NDUFAF6: variants seen among roughly 807,000 people sequenced by gnomAD.
NDUFAF6 encodes the protein NADH:ubiquinone oxidoreductase complex assembly factor 6, also known as NADH dehydrogenase (ubiquinone) complex I, assembly factor 6.
Under a neutral mutation model 40.8 loss-of-function variants are expected in NDUFAF6, and 45 were observed. The ratio of observed to expected loss-of-function variants is 1.10; its 90% confidence interval spans 0.87 to 1.42. The LOEUF (loss-of-function observed/expected upper bound fraction) is 1.42, where lower values mean the gene tolerates loss of function less well. Ranked by LOEUF, NDUFAF6 falls within the 40% of genes most tolerant of loss-of-function variation. The pLI is 0.00. For synonymous variants in NDUFAF6, 185 were observed against 155.9 expected (o/e 1.19, Z -1.39); for missense variants, 435 against 418.5 (o/e 1.04, Z -0.34).
downstream of NDUFAF6, among the ~76,000 whole-genome samples, chr8:95,106,238 G>A (rs1229526209): frequency 6.7e-6 from 1 of 149,366 alleles, no homozygotes; most frequent in African/African-American, 2.5e-5. Context: ...TCATCCCACT[G>A]CATTCCAGCC....
rs562285888 is a variant in NDUFAF6, at chr8:95,056,570, C to T, written c.874-1239C>T. Among the ~76,000 whole-genome samples the T allele has an allele frequency of 5.0e-4, 76 of 152,126 alleles. 1 individual carries two copies. In the South Asian group the frequency reaches 0.011, roughly 22 times the overall value. On this transcript the variant is annotated intron_variant, in intron 8 of 8. Transcript: ENST00000396124. ...AAACAAGGCAGCTGGGACATTGATG[C>T]ATGTGTCTCCTGTTGTCTGTATATG...
At chr8:94,980,448 T>C (rs1442963007) in intron 1 of NDUFAF6, among the ~76,000 whole-genome samples, 1 of 144,170 alleles carries the variant, frequency 6.9e-6, no homozygotes, top group African/African-American at 2.6e-5. Context: ...TTTTGTTTTT[T>C]TTTTTTTTTT....
At chr8:94,957,685 A>G (rs900351286), upstream of NDUFAF6, among the ~76,000 whole-genome samples, 1 of 152,212 alleles carries the variant, frequency 6.6e-6, no homozygotes, top group African/African-American at 2.4e-5. Flanking sequence ...TTGTAGTCTA[A>G]GAAGATGTGT....
At chr8:94,965,812 G>A (rs1440718185) in intron 1 of NDUFAF6, among the ~76,000 whole-genome samples, 8 of 152,228 alleles carry the variant, frequency 5.3e-5, no homozygotes, top group African/African-American at 1.9e-4. Flanking sequence ...GGAGACAGGT[G>A]ATGGGGTAGG....
At chr8:95,004,510 C>T (rs558186354) in intron 2 of NDUFAF6, among the ~76,000 whole-genome samples, 178 of 151,806 alleles carry the variant, frequency 1.2e-3, no homozygotes, top group African/African-American at 4.2e-3. Flanking sequence ...GATACCATGC[C>T]CAACTAATTT....
intron 1 of NDUFAF6, among the ~76,000 whole-genome samples, chr8:94,937,440 C>CAAAAA (rs1173351669): frequency 1.1e-5 from 1 of 93,710 alleles, no homozygotes; most frequent in African/African-American, 3.5e-5. Flanking sequence ...GACTCCATCT[C>CAAAAA]AAAAAAAAAA....
intron 1 of NDUFAF6, among the ~76,000 whole-genome samples, chr8:94,901,968 A>G (rs770341028): frequency 2.6e-5 from 4 of 152,258 alleles, no homozygotes; most frequent in African/African-American, 9.6e-5. Flanking sequence ...GTATTCCACT[A>G]TCAACATTTT....
chr8:94,905,070 C>T (rs1277667044), intron 1 of NDUFAF6, among the ~76,000 whole-genome samples: 5 of 152,098 alleles, frequency 3.3e-5, no homozygotes, highest in Middle Eastern at 6.8e-3. Context: ...CCCGGTGGTG[C>T]ATACCTGTAA....
At chr8:95,005,241 A>AC (rs1826910306) in intron 2 of NDUFAF6, among the ~76,000 whole-genome samples, 1 of 151,564 alleles carries the variant, frequency 6.6e-6, no homozygotes, top group Non-Finnish European at 1.5e-5. Context: ...TCTGAGAGAG[A>AC]CCCCCACCAA....
intron 2 of NDUFAF6, among the ~76,000 whole-genome samples, chr8:95,034,910 G>T (rs565428220): frequency 6.7e-6 from 1 of 150,004 alleles, no homozygotes; most frequent in Admixed American, 6.7e-5. Context: ...ATGGAGTTTC[G>T]CTCTTGTCGC....
At chr8:94,905,354 G>A (rs1054448673) in intron 1 of NDUFAF6, among the ~76,000 whole-genome samples, 10 of 150,898 alleles carry the variant, frequency 6.6e-5, no homozygotes, top group Admixed American at 5.9e-4. Flanking sequence ...TTGACGGGTC[G>A]GATTTTTCTG....
chr8:95,015,449 A>G (rs1827401764), intron 2 of NDUFAF6, among the ~76,000 whole-genome samples: 1 of 152,254 alleles, frequency 6.6e-6, no homozygotes, highest in Non-Finnish European at 1.5e-5. Context: ...CAGTAGATAC[A>G]TAAATACATT....
At position 94,946,696 on chromosome 8, in the gene NDUFAF6, C is replaced by CAAAAAAAAAAAAAAAAAAA. The variant is rs71273438; in HGVS notation, c.-799+1083_-799+1101dup. Among the ~76,000 whole-genome samples the CAAAAAAAAAAAAAAAAAAA allele has an allele frequency of 6.1e-4, 21 of 34,688 alleles. 2 individuals carry two copies. The highest frequency in any genetic ancestry group is 2.3e-3 in the South Asian group (1 of 434). 22.8% of individuals were successfully genotyped at this position (34,688 alleles called of 152,430 possible). A position where few individuals can be genotyped will look rare whatever the true frequency, so the allele number is the denominator to read the frequency against. On this transcript the variant is annotated intron_variant, in intron 2 of 14. Coordinates refer to the NDUFAF6 transcript ENST00000396113. ...TGGTCAACAGAGTAAGACCCTGTCT[C>CAAAAAAAAAAAAAAAAAAA]AAAAAAAAAAAAAAAAAAAAAAAAG...
At chr8:95,111,067 C>T (rs1364117760) in intron 4 of NDUFAF6, among the ~76,000 whole-genome samples, 63 of 152,162 alleles carry the variant, frequency 4.1e-4, no homozygotes, top group Non-Finnish European at 1.5e-5. Context: ...GAGGTTCTTA[C>T]CCACACTTAA....
At chr8:94,926,206 A>C (rs1249292215) in intron 1 of NDUFAF6, 1 of 152,606 alleles carries the variant, frequency 6.6e-6, no homozygotes, top group East Asian at 1.9e-4. Flanking sequence ...TGGCTCAAGA[A>C]AACAAGCTGC....
At chr8:95,042,015 CAT>C (rs1830207036) in intron 4 of NDUFAF6, among the ~76,000 whole-genome samples, 2 of 152,182 alleles carry the variant, frequency 1.3e-5, no homozygotes, top group African/African-American at 4.8e-5. Context: ...AGACAAAAAA[CAT>C]AGCCATGATA....
At chr8:95,046,250 G>A (rs1351218262) in intron 5 of NDUFAF6, among the ~76,000 whole-genome samples, 1 of 151,956 alleles carries the variant, frequency 6.6e-6, no homozygotes, top group Non-Finnish European at 1.5e-5. Context: ...TAGTAGAGAC[G>A]AGGCCAGAAT....
intron 2 of NDUFAF6, among the ~76,000 whole-genome samples, chr8:94,997,339 C>G (rs890390992): frequency 0.026 from 3,258 of 123,690 alleles, 93 homozygotes; most frequent in African/African-American, 0.078. Flanking sequence ...CACACACACA[C>G]ACACAGAGAG....
At chr8:94,931,386 GAC>G (rs762794270) in intron 1 of NDUFAF6, among the ~76,000 whole-genome samples, 37 of 151,986 alleles carry the variant, frequency 2.4e-4, no homozygotes, top group Non-Finnish European at 4.3e-4. Flanking sequence ...GGCAATATAA[GAC>G]TCTTGAATAA....
Sources: allele counts gnomAD v4.1 joint callset (sites outside exome capture counted in the v4.1 genomes callset), GRCh38; gene constraint gnomAD v4.1.1; transcripts MANE v1.5; gene names NCBI Gene and HGNC (gene_info 2026-07-23, HGNC 2026-07-21).